FHOD3: variants seen among roughly 807,000 people sequenced by gnomAD.
FHOD3 encodes the protein formin homology 2 domain containing 3, also known as FH1/FH2 domain-containing protein 3.
Under a neutral mutation model 173.0 loss-of-function variants are expected in FHOD3, and 90 were observed. The ratio of observed to expected loss-of-function variants is 0.52; its 90% confidence interval spans 0.44 to 0.62. The LOEUF is 0.62. Among genes scored for constraint, FHOD3 ranks in the 20% least tolerant of loss-of-function variants. The pLI, the probability that FHOD3 is intolerant of heterozygous loss-of-function variation, is 0.00. For synonymous variants in FHOD3, 828 were observed against 823.0 expected (o/e 1.01, Z -0.10); for missense variants, 1,945 against 2,034.7 (o/e 0.96, Z 0.85).
chr18:36,347,362 T>C (rs900905089), intron 1 of FHOD3, among the ~76,000 whole-genome samples: 1 of 152,220 alleles, frequency 6.6e-6, no homozygotes, highest in African/African-American at 2.4e-5. Flanking sequence ...ATTTAAGCTC[T>C]GAATGGGAGA....
intron 24 of FHOD3, among the ~76,000 whole-genome samples, chr18:36,752,804 T>C (rs1203008455): frequency 6.6e-6 from 1 of 152,190 alleles, no homozygotes; most frequent in Non-Finnish European, 1.5e-5. Context: ...TACTTATGTA[T>C]AAAATAGGAC....
intron 3 of FHOD3, among the ~76,000 whole-genome samples, chr18:36,412,842 C>T (rs1344429299): frequency 6.6e-6 from 1 of 152,200 alleles, no homozygotes; most frequent in Non-Finnish European, 1.5e-5. Context: ...TTCTCATCTT[C>T]CTAGCAGCAT....
intron 3 of FHOD3, among the ~76,000 whole-genome samples, chr18:36,385,182 C>T (rs1011883650): frequency 4.6e-5 from 7 of 152,150 alleles, no homozygotes; most frequent in South Asian, 4.1e-4. Flanking sequence ...AACCAAGTAA[C>T]GCCCAATTAA....
At chr18:36,746,860 T>C (rs1351362960) in intron 23 of FHOD3, 85 bp from the exon 24 acceptor site, 1 of 1,035,638 alleles carries the variant, frequency 9.7e-7, no homozygotes, top group Non-Finnish European at 1.4e-6. Context: ...TGATGTTTGT[T>C]TCTCCCCAGA....
intron 5 of FHOD3, among the ~76,000 whole-genome samples, chr18:36,562,563 C>T (rs960053216): frequency 6.6e-6 from 1 of 152,178 alleles, no homozygotes; most frequent in African/African-American, 2.4e-5. Flanking sequence ...CATTTGGAGC[C>T]TGCTGGGCTG....
At chr18:36,374,776 G>A (rs1345988347) in intron 3 of FHOD3, among the ~76,000 whole-genome samples, 1 of 152,202 alleles carries the variant, frequency 6.6e-6, no homozygotes, top group Non-Finnish European at 1.5e-5. Context: ...CCTCATCACA[G>A]GTAGACCGGC....
chr18:36,351,517 C>T (rs994685226), intron 1 of FHOD3, among the ~76,000 whole-genome samples: 1 of 152,174 alleles, frequency 6.6e-6, no homozygotes, highest in Non-Finnish European at 1.5e-5. Context: ...TAAACGATCT[C>T]TTTGAGGGAA....
At chr18:36,401,521 A>C (rs562918407) in intron 3 of FHOD3, among the ~76,000 whole-genome samples, 2 of 152,326 alleles carry the variant, frequency 1.3e-5, no homozygotes, top group South Asian at 4.1e-4. Flanking sequence ...AGGGGTGGGC[A>C]CATGTCTTCA....
At chr18:36,725,187 G>C (rs1287700158) in intron 19 of FHOD3, among the ~76,000 whole-genome samples, 2 of 152,182 alleles carry the variant, frequency 1.3e-5, no homozygotes, top group Admixed American at 6.5e-5. Context: ...AGAGTTCTTG[G>C]AACTTGCTGA....
chr18:36,726,650 G>A (rs1458368490), intron 19 of FHOD3, among the ~76,000 whole-genome samples: 2 of 152,074 alleles, frequency 1.3e-5, no homozygotes, highest in Non-Finnish European at 2.9e-5. Flanking sequence ...CCAAAGGAAT[G>A]CACTAAGGAA....
At position 36,471,486 on chromosome 18, in the gene FHOD3, T is replaced by G. The variant is rs114236198; in HGVS notation, c.338-30446T>G. 6.0e-3 allele frequency among the ~76,000 whole-genome samples: 918 copies of G among 152,238 alleles called. 11 individuals are homozygous for G. The highest frequency in any genetic ancestry group is 0.021 in the African/African-American group (877 of 41,538). Reference sequence around the variant, plus strand: ...TGGTTGTCGATCGACTGCCCTGCCCTGGTGGCCCCTGGACTTCTCCTGAGT... The same window carrying G: ...TGGTTGTCGATCGACTGCCCTGCCCGGGTGGCCCCTGGACTTCTCCTGAGT... On this transcript the variant is annotated intron_variant, in intron 3 of 28. Coordinates refer to ENST00000590592, the MANE Select transcript of FHOD3 (RefSeq NM_001281740.3).
intron 4 of FHOD3, among the ~76,000 whole-genome samples, chr18:36,510,170 T>C (rs540200635): frequency 1.3e-5 from 2 of 152,358 alleles, no homozygotes; most frequent in Middle Eastern, 3.4e-3. Context: ...CCTTGACCAA[T>C]AGGCATTTAA....
At chr18:36,445,685 T>C (rs2051426610) in intron 3 of FHOD3, among the ~76,000 whole-genome samples, 1 of 152,200 alleles carries the variant, frequency 6.6e-6, no homozygotes, top group Non-Finnish European at 1.5e-5. Context: ...TTTACCTCAA[T>C]ATTTGATGGA....
intron 4 of FHOD3, among the ~76,000 whole-genome samples, chr18:36,502,351 A>G (rs1386115704): frequency 6.6e-6 from 1 of 151,986 alleles, no homozygotes; most frequent in Non-Finnish European, 1.5e-5. Context: ...TGCACCCATC[A>G]ACCCATCATC....
rs74785449 is a variant in FHOD3 at position 36,346,146 on chromosome 18, G to T, written c.166-9393G>T. Reference sequence around the variant, plus strand: ...TTTGGGAGGGTGAGGAAGAAGGTTTGCCTGAACCCAGGAGTTCAAGACCAG... The same window carrying T: ...TTTGGGAGGGTGAGGAAGAAGGTTTTCCTGAACCCAGGAGTTCAAGACCAG... On this transcript the variant is annotated intron_variant, in intron 1 of 28. Coordinates refer to ENST00000590592, the MANE Select transcript of FHOD3 (RefSeq NM_001281740.3). 8.3e-3 allele frequency among the ~76,000 whole-genome samples: 1,271 copies of T among 152,288 alleles called. 14 individuals are homozygous for T. The highest frequency in any genetic ancestry group is 0.028 in the African/African-American group (1,184 of 41,566).
At chr18:36,554,689 C>T (rs2057801264) in intron 5 of FHOD3, among the ~76,000 whole-genome samples, 2 of 152,134 alleles carry the variant, frequency 1.3e-5, no homozygotes, top group Non-Finnish European at 2.9e-5. Context: ...TTATAATTCA[C>T]CAATGCAGCC....
At chr18:36,696,753 T>C (rs905090403) in intron 17 of FHOD3, among the ~76,000 whole-genome samples, 12 of 152,326 alleles carry the variant, frequency 7.9e-5, no homozygotes, top group Admixed American at 3.9e-4. Flanking sequence ...ATGGTCTAAG[T>C]ACTTTCCTTC....
chr18:36,649,237 T>A, intron 10 of FHOD3, 79 bp from the exon 11 acceptor site: 1 of 948,266 alleles, frequency 1.1e-6, no homozygotes, highest in Non-Finnish European at 1.6e-6. Flanking sequence ...TTTTGCTTCA[T>A]CTTCCTGTTT....
chr18:36,646,759 C>G (rs1053495095), intron 10 of FHOD3, among the ~76,000 whole-genome samples: 38 of 152,144 alleles, frequency 2.5e-4, no homozygotes, highest in African/African-American at 8.7e-4. Flanking sequence ...CAGAGACTAT[C>G]TTTAAGACCT....
Sources: allele counts gnomAD v4.1 joint callset (sites outside exome capture counted in the v4.1 genomes callset), GRCh38; gene constraint gnomAD v4.1.1; transcripts MANE v1.5; gene names NCBI Gene and HGNC (gene_info 2026-07-23, HGNC 2026-07-21).